CTBP1: variants seen among roughly 807,000 people sequenced by gnomAD.
The protein encoded by CTBP1 is C-terminal binding protein 1.
Under a neutral mutation model 42.1 loss-of-function variants are expected in CTBP1, and 11 were observed. That is an observed-to-expected ratio of 0.26 (90% CI 0.16 to 0.43). The LOEUF (loss-of-function observed/expected upper bound fraction) is 0.43, where lower values mean the gene tolerates loss of function less well. Ranked by LOEUF, CTBP1 falls within the 20% of genes least tolerant of loss-of-function variation. The pLI, the probability that CTBP1 is intolerant of heterozygous loss-of-function variation, is 1.00. For missense variants in CTBP1, 399 were observed against 624.3 expected, an observed-to-expected ratio of 0.64 and a Z score of 3.85; for synonymous variants, 324 against 277.1, an observed-to-expected ratio of 1.17 and a Z score of -1.68.
intron 3 of CTBP1, chr4:1,237,470 T>C: frequency 1.5e-6 from 1 of 679,942 alleles, no homozygotes; most frequent in South Asian, 1.5e-5. Context: ...AAACCCGGTG[T>C]TCACCTCCTG....
At chr4:1,244,727 T>C (rs1026057355) in intron 1 of CTBP1, 45 of 985,104 alleles carry the variant, frequency 4.6e-5, no homozygotes, top group African/African-American at 5.2e-5. Flanking sequence ...TAAGCCCTGA[T>C]TACTCCGGGC....
chr4:1,239,747 G>A (rs904927867), intron 2 of CTBP1, among the ~76,000 whole-genome samples: 2 of 152,226 alleles, frequency 1.3e-5, no homozygotes, highest in African/African-American at 2.4e-5. Flanking sequence ...AGGTCCTCGC[G>A]CCCTGGCGTC....
rs1044948319 is a variant in CTBP1, at chr4:1,244,014, A to G, written c.-188-2495T>C. On this transcript the variant is annotated intron_variant, in intron 1 of 9. Transcript: ENST00000382952. Reference sequence around the variant, plus strand: ...TTCCTGTAAATCTAAGACTGCTCTAAAACAAAAACTGATTTTAAAGTAAAT... The same window carrying G: ...TTCCTGTAAATCTAAGACTGCTCTAGAACAAAAACTGATTTTAAAGTAAAT... 5.1e-6 allele frequency: 5 copies of G among 985,448 alleles called. No homozygotes were observed. In the African/African-American group the frequency reaches 7.0e-5, roughly 14 times the overall value. The allele number at this position is 985,448 out of a possible 1,614,324, so 61.0% of individuals were successfully genotyped here. A position where few individuals can be genotyped will look rare whatever the true frequency, so the allele number is the denominator to read the frequency against.
intron 2 of CTBP1, among the ~76,000 whole-genome samples, 172 bp downstream of exon 2, chr4:1,241,153 G>A (rs185210017): frequency 1.1e-3 from 171 of 152,292 alleles, no homozygotes; most frequent in Admixed American, 7.8e-3. Context: ...GCCCTCCCTC[G>A]AGGGGCACCT....
In CTBP1 at chr4:1,212,953, G is replaced by A. The variant is rs773974167; in HGVS notation, c.1066C>T (p.Pro356Ser). The A allele has an allele frequency of 1.2e-6, 2 of 1,613,732 alleles. No homozygotes were observed. The highest frequency in any genetic ancestry group is 2.7e-5 in the African/African-American group (2 of 74,926). Reference protein sequence around the residue: ...TAATHWASMDPAVVHPELNGA... With the variant: ...TAATHWASMDSAVVHPELNGA... ...TTGAGCTCAGGGTGCACGACGGCGG[G>A]GTCCATGCTGGCCCAGTGGGTGGCG... Residue 356 changes from proline to serine, a missense_variant, in exon 9 of 10, where the codon CCC becomes TCC. By Grantham distance (74) the Pro-to-Ser change is moderately conservative. Transcript: ENST00000382952.
At chr4:1,230,896 G>A (rs552760764) in intron 3 of CTBP1, among the ~76,000 whole-genome samples, 18 of 152,378 alleles carry the variant, frequency 1.2e-4, no homozygotes, top group African/African-American at 4.3e-4. Context: ...GGCTCCGGGC[G>A]CGCCCACCCA....
rs142670248 is a variant in CTBP1, at chr4:1,216,164, C to T, written c.556G>A (p.Gly186Ser). 16 of 1,610,798 alleles carry T rather than the reference C, an allele frequency of 9.9e-6. No homozygotes were observed. The highest frequency in any genetic ancestry group is 1.3e-5 in the African/African-American group (1 of 74,874). The change falls in exon 6 of 10, where the codon GGC becomes AGC. Residue 186 changes from glycine (G) to serine (S), a missense_variant. By Grantham distance (56) the Gly-to-Ser change is moderately conservative. Transcript: ENST00000382952. Reference sequence around the variant, plus strand: ...GGGTCGTAGAAGAGCACGTTGAAGCCGAAGGCCTTGGCCCGCAGCGCCACT... The same window carrying T: ...GGGTCGTAGAAGAGCACGTTGAAGCTGAAGGCCTTGGCCCGCAGCGCCACT... ...QAVALRAKAF[G>S]FNVLFYDPYL...
intron 3 of CTBP1, chr4:1,236,750 ACCT>A (rs1731546220): frequency 1.5e-6 from 1 of 686,268 alleles, no homozygotes; most frequent in African/African-American, 1.8e-5. Flanking sequence ...CCAAGTGTCC[ACCT>A]CCTGATGGGG....
At chr4:1,248,373 G>A (rs1158764356) in intron 1 of CTBP1, among the ~76,000 whole-genome samples, 1 of 151,466 alleles carries the variant, frequency 6.6e-6, no homozygotes, top group Admixed American at 6.6e-5. Context: ...CGGCACCCGC[G>A]CCCCGTCCCC....
At chr4:1,220,205 A>G (rs1357261156) in intron 5 of CTBP1, among the ~76,000 whole-genome samples, 1 of 151,584 alleles carries the variant, frequency 6.6e-6, no homozygotes, top group Non-Finnish European at 1.5e-5. Context: ...TGTCTCAAAA[A>G]AAAAAAAAAA....
At chr4:1,215,797 G>A (rs1408255563) in intron 6 of CTBP1, 194 bp downstream of exon 6, 1 of 615,698 alleles carries the variant, frequency 1.6e-6, no homozygotes, top group African/African-American at 1.8e-5. Flanking sequence ...GATGTCCTGA[G>A]TAGAACTCAG....
At position 1,233,630 on chromosome 4, in the gene CTBP1, G is replaced by A. The variant is rs933863959; in HGVS notation, c.162+4553C>T. Among the ~76,000 whole-genome samples the A allele has an allele frequency of 1.2e-4, 19 of 152,186 alleles. No individual in the cohort carries two copies. The highest frequency in any genetic ancestry group is 5.9e-5 in the Non-Finnish European group (4 of 68,040). On this transcript the variant is annotated intron_variant, in intron 3 of 9. Coordinates refer to ENST00000382952, the MANE Select transcript of CTBP1 (RefSeq NM_001012614.2). This position sits in a 1 kb window ranked among gnomAD's most constrained non-coding sequence, Gnocchi z 4.6. ...AAGCAGGCGAGTGGGGCTGGGCTGA[G>A]TCTTGTGTCCCGGTGGGTGACATCC...
intron 1 of CTBP1, chr4:1,245,113 A>G (rs1164491530): frequency 4.3e-5 from 42 of 985,094 alleles, no homozygotes; most frequent in Non-Finnish European, 4.8e-5. Flanking sequence ...CGACGACAGC[A>G]CCCCAGACAG....
intron 3 of CTBP1, chr4:1,234,698 C>T (rs1731305042): frequency 1.3e-5 from 2 of 152,212 alleles, no homozygotes; most frequent in African/African-American, 2.4e-5. Context: ...TTTCTACGAG[C>T]CTCTTTTTTA....
At chr4:1,213,654 G>C in intron 7 of CTBP1, 49 bp from the exon 8 acceptor site, 1 of 1,588,002 alleles carries the variant, frequency 6.3e-7, no homozygotes, top group Non-Finnish European at 8.6e-7. Context: ...CTGTGGCTGG[G>C]TACGGAGGGG....
At chr4:1,237,885 G>A (rs551022324) in intron 3 of CTBP1, 16 of 595,360 alleles carry the variant, frequency 2.7e-5, no homozygotes, top group Admixed American at 1.5e-4. Flanking sequence ...AGGGCAAACC[G>A]AATGTCCACC....
rs1016282173 is a variant in CTBP1 at position 1,244,453 on chromosome 4, TC to T, written c.-188-2935del. Reference sequence around the variant, plus strand: ...CCCCAGCCTCAGCACCTGGTCCTCATCCCCGCCTGCTCAGACCCAGGCTCGG... The same window carrying T: ...CCCCAGCCTCAGCACCTGGTCCTCATCCCGCCTGCTCAGACCCAGGCTCGG... On this transcript the variant is annotated intron_variant, in intron 1 of 9. Transcript: ENST00000382952. 7 of 984,348 alleles carry T rather than the reference TC, an allele frequency of 7.1e-6. No homozygotes were observed. In the African/African-American group the frequency reaches 1.2e-4, roughly 17 times the overall value. 61.0% of individuals were successfully genotyped at this position (984,348 alleles called of 1,614,324 possible).
rs1432771126 is a variant in CTBP1, at chr4:1,235,277, C to T, written c.162+2906G>A. 2 of 152,342 alleles carry T rather than the reference C, an allele frequency of 1.3e-5. No homozygotes were observed. Among genetic ancestry groups the T allele is most frequent in the South Asian group, 2.1e-4 (1 of 4,832 alleles). The allele number at this position is 152,342 out of a possible 1,614,324, so 9.4% of individuals were successfully genotyped here. Reference sequence around the variant, plus strand: ...GGAGTGTGGCCACTGGGCTGCATTACAAGCACGCATCTACCCGTGTGAGAA... The same window carrying T: ...GGAGTGTGGCCACTGGGCTGCATTATAAGCACGCATCTACCCGTGTGAGAA... On this transcript the variant is annotated intron_variant, in intron 3 of 9. Coordinates refer to ENST00000382952, the MANE Select transcript of CTBP1 (RefSeq NM_001012614.2). The surrounding 1 kb of genome is among the most constrained non-coding windows in gnomAD (Gnocchi z 4.2).
chr4:1,241,849 CAGGGGACGG>C, intron 1 of CTBP1: 1 of 1,152,520 alleles, frequency 8.7e-7, no homozygotes, highest in Non-Finnish European at 1.1e-6. Context: ...GTCCAAGAAC[CAGGGGACGG>C]AGGGCACAGG....
Sources: allele counts gnomAD v4.1 joint callset (sites outside exome capture counted in the v4.1 genomes callset), GRCh38; gene constraint gnomAD v4.1.1; non-coding constraint Gnocchi (gnomAD v3.1); transcripts MANE v1.5; gene names NCBI Gene and HGNC (gene_info 2026-07-23, HGNC 2026-07-21).